The following TOGARAM1 variants were observed in gnomAD, a reference collection of about 807,000 sequenced individuals.
The protein encoded by TOGARAM1 is TOG array regulator of axonemal microtubules 1.
Under a neutral mutation model 166.6 loss-of-function variants are expected in TOGARAM1, and 100 were observed. The ratio of observed to expected loss-of-function variants is 0.60; its 90% confidence interval spans 0.51 to 0.71. The LOEUF (loss-of-function observed/expected upper bound fraction) is 0.71, where lower values mean the gene tolerates loss of function less well. TOGARAM1 is among the 30% of genes least tolerant of loss of function. The probability of loss-of-function intolerance (pLI) is 0.00; values close to 1 mark genes in which losing one functional copy is unlikely to be tolerated. For missense variants in TOGARAM1, 2,029 were observed against 2,102.7 expected (o/e 0.96, Z 0.69); for synonymous variants, 758 against 763.8 (o/e 0.99, Z 0.13).
At chr14:45,017,953 A>T (rs908929644) in intron 7 of TOGARAM1, among the ~76,000 whole-genome samples, 1 of 152,226 alleles carries the variant, frequency 6.6e-6, no homozygotes, top group African/African-American at 2.4e-5. Flanking sequence ...TACCTCTGTG[A>T]CTACTCTGTC....
rs1881158363 is a variant in TOGARAM1 at position 45,031,588 on chromosome 14, A to G, written c.3659-635A>G. Among the ~76,000 whole-genome samples, 2 of 152,336 alleles carry G rather than the reference A, an allele frequency of 1.3e-5. 1 individual carries two copies. Among genetic ancestry groups the G allele is most frequent in the Non-Finnish European group, 2.9e-5 (2 of 68,032 alleles). On this transcript the variant is annotated intron_variant, in intron 10 of 19. Coordinates refer to ENST00000361462, the MANE Select transcript of TOGARAM1 (RefSeq NM_001308120.2). The stretch of plus-strand genomic sequence containing the variant: ...TATATCCACATTTTTACAAAATGGG[A>G]TCGTACTACTTCTTTTGCTTTTAGC...
chr14:45,004,232 C>T lies in TOGARAM1; in HGVS notation c.2510C>T (p.Pro837Leu). 1 of 1,613,958 alleles carries T rather than the reference C, an allele frequency of 6.2e-7. No homozygotes were observed. Among genetic ancestry groups the T allele is most frequent in the East Asian group, 2.2e-5 (1 of 44,858 alleles). ...CATACATCTCCTCTTATTATATCTC[C>T]AAAGAAGTCTCAAGATAATTCTGTT... ...PKHTSPLIIS[P>L]KKSQDNSVNF... The change falls in exon 4 of 20, where the codon CCA (proline) becomes CTA (leucine). Residue 837 changes from proline (P) to leucine (L), a missense_variant. By Grantham distance (98) the Pro-to-Leu change is moderately conservative. This residue lies in a region of TOGARAM1 where 1,453 missense variants were observed against 1,432.2 expected (regional missense o/e 1.01). Coordinates refer to ENST00000361462, the MANE Select transcript of TOGARAM1 (RefSeq NM_001308120.2).
At chr14:44,969,140 TCC>T (rs1885732429) in intron 1 of TOGARAM1, among the ~76,000 whole-genome samples, 1 of 144,228 alleles carries the variant, frequency 6.9e-6, no homozygotes, top group South Asian at 2.2e-4. Context: ...CTTCCTTCCT[TCC>T]TTCCTTTCTT....
chr14:44,986,151 G>A (rs944772324), intron 1 of TOGARAM1, among the ~76,000 whole-genome samples: 3 of 152,132 alleles, frequency 2.0e-5, no homozygotes, highest in Non-Finnish European at 2.9e-5. Context: ...AGGTTTTTCT[G>A]AGAAAAACCT....
chr14:45,064,584 C>T (rs1000182490), intron 16 of TOGARAM1, among the ~76,000 whole-genome samples: 1 of 152,100 alleles, frequency 6.6e-6, no homozygotes, highest in Admixed American at 6.5e-5. Context: ...TGTCCTCCCA[C>T]CTTAGCCTCC....
intron 1 of TOGARAM1, among the ~76,000 whole-genome samples, chr14:44,985,186 G>A (rs549220745): frequency 8.5e-5 from 13 of 152,126 alleles, no homozygotes; most frequent in African/African-American, 3.1e-4. Context: ...GCTAATTTTT[G>A]TATTTTTAGT....
At chr14:44,974,490 A>G (rs1480474504) in intron 1 of TOGARAM1, among the ~76,000 whole-genome samples, 1 of 152,102 alleles carries the variant, frequency 6.6e-6, no homozygotes, top group Non-Finnish European at 1.5e-5. Context: ...TTCCTGCCAT[A>G]TCCAATTCTA....
intron 1 of TOGARAM1, among the ~76,000 whole-genome samples, chr14:44,975,256 G>C (rs76770586): frequency 0.046 from 7,052 of 152,092 alleles, 543 homozygotes; most frequent in African/African-American, 0.16. Flanking sequence ...CCCCCACCAG[G>C]TGAAAGCCTA....
At chr14:44,974,398 T>G (rs1008124618) in intron 1 of TOGARAM1, among the ~76,000 whole-genome samples, 3 of 152,146 alleles carry the variant, frequency 2.0e-5, no homozygotes, top group Non-Finnish European at 4.4e-5. Context: ...TATCCTTTTG[T>G]TCTTACATGT....
intron 1 of TOGARAM1, among the ~76,000 whole-genome samples, chr14:44,967,999 A>G (rs1296286600): frequency 1.3e-5 from 2 of 152,142 alleles, no homozygotes; most frequent in South Asian, 2.1e-4. Context: ...ATATTATTAA[A>G]AAGATTCTGG....
chr14:45,012,095 A>G lies in TOGARAM1; in HGVS notation c.3238+20A>G. 1 of 1,405,760 alleles carries G rather than the reference A, an allele frequency of 7.1e-7. No homozygotes were observed. The highest frequency in any genetic ancestry group is 1.3e-5 in the South Asian group (1 of 75,734). 87.1% of individuals were successfully genotyped at this position (1,405,760 alleles called of 1,614,324 possible). On this transcript the variant is annotated intron_variant, in intron 7 of 19. Coordinates refer to ENST00000361462, the MANE Select transcript of TOGARAM1 (RefSeq NM_001308120.2). Reference sequence around the variant, plus strand: ...GTGCAGGTATTCTATGTCTGTTTATAAAAATAATTTATAAAATATGATTTT... The same window carrying G: ...GTGCAGGTATTCTATGTCTGTTTATGAAAATAATTTATAAAATATGATTTT...
At position 44,963,804 on chromosome 14, in the gene TOGARAM1, G is replaced by A. The variant is rs760337851; in HGVS notation, c.1383G>A (p.Lys461=). Residue 461 remains lysine (K), a synonymous_variant, in exon 1 of 20, where the codon AAG becomes AAA. Transcript: ENST00000361462. ...IKQEYMKIFL[K]LMKEVGPQQV... is the part of the protein sequence containing the mutation. ...AAGAATACATGAAAATCTTCCTCAA[G>A]CTAATGAAGGAAGTAGGACCTCAGC... is the stretch of plus-strand genomic sequence containing the variant. 1.9e-6 allele frequency: 3 copies of A among 1,614,070 alleles called. No homozygotes were observed. Among genetic ancestry groups the A allele is most frequent in the Admixed American group, 1.7e-5 (1 of 60,016 alleles).
chr14:44,992,960 T>C (rs1594631542), intron 1 of TOGARAM1, among the ~76,000 whole-genome samples: 1 of 151,232 alleles, frequency 6.6e-6, no homozygotes, highest in African/African-American at 2.4e-5. Context: ...GGGATTCAAA[T>C]AGAAAGACTA....
chr14:44,978,691 G>C (rs1886350669), intron 1 of TOGARAM1, among the ~76,000 whole-genome samples: 1 of 151,582 alleles, frequency 6.6e-6, no homozygotes, highest in African/African-American at 2.4e-5. Flanking sequence ...CCAGCTACTT[G>C]GGAGACTCAG....
chr14:45,063,479 G>GTTTTTTTTTTTTTTTTTT (rs373702236), intron 16 of TOGARAM1, among the ~76,000 whole-genome samples: 24 of 118,688 alleles, frequency 2.0e-4, no homozygotes, highest in African/African-American at 7.9e-4. Context: ...ATTTGACAAA[G>GTTTTTTTTTTTTTTTTTT]TTTTTTTTTT....
In TOGARAM1 at chr14:44,962,567, A is replaced by G. The variant is rs775870563; in HGVS notation, c.146A>G (p.Tyr49Cys). The change falls in exon 1 of 20, where the codon TAC (tyrosine) becomes TGC (cysteine). Residue 49 changes from tyrosine to cysteine, a missense_variant. Transcript: ENST00000361462. Reference protein sequence around the residue: ...GGIMRGEKNYYFRGAAGDHGS... With the variant: ...GGIMRGEKNYCFRGAAGDHGS... ...ATTATGAGAGGAGAGAAAAACTACT[A>G]CTTCCGTGGAGCTGCGGGGGACCAC... The G allele has an allele frequency of 4.3e-5, 69 of 1,613,734 alleles. No individual in the cohort carries two copies. The highest frequency in any genetic ancestry group is 5.5e-5 in the Non-Finnish European group (65 of 1,179,894).
chr14:45,044,130 C>G (rs962080122), intron 12 of TOGARAM1, among the ~76,000 whole-genome samples: 2 of 152,206 alleles, frequency 1.3e-5, no homozygotes, highest in East Asian at 3.9e-4. Context: ...CTGCCTCAGT[C>G]TCCCAAGTAG....
Position 44,966,627 on chromosome 14 carries a change from T to C in TOGARAM1, c.2046+2160T>C, listed in dbSNP as rs557852129. Reference sequence around the variant, plus strand: ...TGTTACTAAATTTTTTTTAACTTTTTCATGATAAAATTGTCCCAAATTTAA... The same window carrying C: ...TGTTACTAAATTTTTTTTAACTTTTCCATGATAAAATTGTCCCAAATTTAA... On this transcript the variant is annotated intron_variant, in intron 1 of 19. Coordinates refer to ENST00000361462, the MANE Select transcript of TOGARAM1 (RefSeq NM_001308120.2). 7.2e-5 allele frequency among the ~76,000 whole-genome samples: 11 copies of C among 152,320 alleles called. No homozygotes were observed. In the South Asian group the frequency reaches 2.1e-3, roughly 29 times the overall value.
chr14:45,032,868 T>C (rs1259752360), intron 11 of TOGARAM1, among the ~76,000 whole-genome samples: 1 of 152,180 alleles, frequency 6.6e-6, no homozygotes, highest in Non-Finnish European at 1.5e-5. Context: ...TATCTCTCAT[T>C]ATACCCATCT....
Sources: gnomAD v4.1 joint callset for allele counts (sites outside exome capture counted in the v4.1 genomes callset) on GRCh38, gnomAD v4.1.1 for gene constraint, gnomAD v4.1.1 regional missense constraint, MANE v1.5 for transcripts, NCBI Gene and HGNC (gene_info 2026-07-23, HGNC 2026-07-21) for gene names.